Variants in LCK observed in about 807,000 individuals in gnomAD.
The protein encoded by LCK is LCK proto-oncogene, Src family tyrosine kinase, also known as tyrosine-protein kinase Lck.
In LCK, 14 loss-of-function variants were observed where a neutral mutation model predicts 64.6. The ratio of observed to expected loss-of-function variants is 0.22; its 90% confidence interval spans 0.14 to 0.34. The LOEUF (loss-of-function observed/expected upper bound fraction) is 0.34, where lower values mean the gene tolerates loss of function less well. Among genes scored for constraint, LCK ranks in the 10% least tolerant of loss-of-function variants. The pLI is 1.00. For synonymous variants in LCK, 277 were observed against 263.6 expected, an observed-to-expected ratio of 1.05 and a Z score of -0.49; for missense variants, 434 against 668.1, an observed-to-expected ratio of 0.65 and a Z score of 3.86.
Position 32,279,967 on chromosome 1 carries a change from G to A in LCK, c.1168G>A (p.Glu390Lys), listed in dbSNP as rs771183851. ...IADFGLARLI[E>K]DNEYTAREGA... ...AGACTTTGGCCTAGCACGCCTCATT[G>A]AGGACAACGAGTACACAGCCAGGGA... The change falls in exon 11 of 13, where the codon GAG (glutamate) becomes AAG (lysine). Residue 390 changes from glutamate to lysine, a missense_variant. Physicochemically the swap from Glu to Lys is moderately conservative, Grantham distance 56. This residue lies in a region of LCK where 201 missense variants were observed against 376.9 expected (regional missense o/e 0.53). Coordinates refer to ENST00000336890, the MANE Select transcript of LCK (RefSeq NM_005356.5). 1.2e-6 allele frequency: 2 copies of A among 1,614,172 alleles called. No homozygotes were observed. The highest frequency in any genetic ancestry group is 1.7e-5 in the Admixed American group (1 of 60,010).
rs1377275342 is a variant in LCK, at chr1:32,262,250, C to T, written c.-6+10879C>T. Among the ~76,000 whole-genome samples the T allele has an allele frequency of 2.1e-5, 3 of 142,856 alleles. No individual in the cohort carries two copies. In the East Asian group the frequency reaches 7.2e-4, roughly 34 times the overall value. 93.7% of individuals were successfully genotyped at this position (142,856 alleles called of 152,430 possible). ...GTGCCGTGGCTCACACCTGTAATCC[C>T]AGCACTTTGGGAAGCCGAGGCAGGT... On this transcript the variant is annotated intron_variant, in intron 1 of 12. Coordinates refer to ENST00000336890, the MANE Select transcript of LCK (RefSeq NM_005356.5).
At chr1:32,274,926 C>G (rs368988805) in intron 3 of LCK, 67 bp from the exon 4 acceptor site, 3 of 1,614,016 alleles carry the variant, frequency 1.9e-6, no homozygotes, top group Admixed American at 1.7e-5. Context: ...CCTTGTCCCC[C>G]ACCCTGTAAC....
rs1640408584 is a variant in LCK, at chr1:32,280,179, A to G, written c.1296A>G (p.Glu432=). 4.3e-6 allele frequency: 7 copies of G among 1,613,998 alleles called. No homozygotes were observed. The highest frequency in any genetic ancestry group is 1.6e-4 in the Middle Eastern group (1 of 6,084). The change falls in exon 12 of 13, where the codon GAA becomes GAG. Residue 432 remains glutamate, a synonymous_variant. Coordinates refer to ENST00000336890, the MANE Select transcript of LCK (RefSeq NM_005356.5). ...DVWSFGILLT[E]IVTHGRIPYP... ...GGTCTTTTGGGATCCTGCTGACGGAAATTGTCACCCACGGCCGCATCCCTT... is the reference window on the plus strand; with the variant it reads ...GGTCTTTTGGGATCCTGCTGACGGAGATTGTCACCCACGGCCGCATCCCTT...
At chr1:32,261,652 C>CAAA (rs1227702959) in intron 1 of LCK, among the ~76,000 whole-genome samples, 2 of 64,344 alleles carry the variant, frequency 3.1e-5, no homozygotes, top group African/African-American at 5.4e-5. Flanking sequence ...TCCTCTGTCT[C>CAAA]AAAAAAAAAA....
rs2124356863 is a variant in LCK at position 32,276,041 on chromosome 1, T to C, written c.609T>C (p.His203=). 6.2e-7 allele frequency: 1 copy of C among 1,614,092 alleles called. No individual in the cohort carries two copies. Among genetic ancestry groups the C allele is most frequent in the Admixed American group, 1.7e-5 (1 of 60,008 alleles). ...CTCGAATCACTTTTCCCGGCCTGCA[T>C]GAACTGGTCCGCCATTACACCAGTG... The part of the protein sequence containing the change: ...ISPRITFPGL[H]ELVRHYTNAS... Residue 203 remains histidine, a synonymous_variant, in exon 7 of 13, where the codon CAT becomes CAC. Coordinates refer to ENST00000336890, the MANE Select transcript of LCK (RefSeq NM_005356.5). The surrounding 1 kb of genome is among the most constrained non-coding windows in gnomAD (Gnocchi z 4.6).
chr1:32,260,172 C>T (rs926683959), intron 1 of LCK, among the ~76,000 whole-genome samples: 7 of 151,870 alleles, frequency 4.6e-5, no homozygotes, highest in Non-Finnish European at 8.8e-5. Context: ...CCACCACGTT[C>T]AGCTAATTTT....
intron 12 of LCK, among the ~76,000 whole-genome samples, chr1:32,283,854 A>G (rs1640533604): frequency 6.6e-6 from 1 of 152,086 alleles, no homozygotes; most frequent in Non-Finnish European, 1.5e-5. Context: ...CTACCAAATA[A>G]TAATAATCCC....
intron 1 of LCK, among the ~76,000 whole-genome samples, chr1:32,259,490 C>G (rs545792579): frequency 6.6e-6 from 1 of 151,724 alleles, no homozygotes; most frequent in African/African-American, 2.4e-5. Context: ...TGTGGTGGCA[C>G]ACGCCTGTAG....
intron 1 of LCK, among the ~76,000 whole-genome samples, chr1:32,253,980 G>A (rs897050926): frequency 2.0e-5 from 3 of 152,090 alleles, no homozygotes; most frequent in Non-Finnish European, 4.4e-5. Context: ...ATAACTCCAT[G>A]CACACACCCA....
chr1:32,253,433 G>A (rs906910907), intron 1 of LCK, among the ~76,000 whole-genome samples: 1 of 152,122 alleles, frequency 6.6e-6, no homozygotes. Context: ...TAACAGGCGC[G>A]CCACCATGCC....
chr1:32,280,048 C>T (rs768280395), intron 11 of LCK, 31 bp from the exon 12 acceptor site: 4 of 1,614,046 alleles, frequency 2.5e-6, no homozygotes, highest in South Asian at 2.2e-5. Context: ...GCCAAGCAGA[C>T]CCAGGTGACC....
chr1:32,279,906 C>T lies in LCK; in HGVS notation c.1107C>T (p.Asn369=). The change falls in exon 11 of 13, where the codon AAC becomes AAT. Residue 369 remains asparagine (N), a synonymous_variant. Coordinates refer to ENST00000336890, the MANE Select transcript of LCK (RefSeq NM_005356.5). The part of the protein sequence containing the change: ...NYIHRDLRAA[N]ILVSDTLSCK... ...TTCATCGTGACCTTCGGGCTGCCAA[C>T]ATTCTGGTGTCTGACACCCTGAGCT... 6.2e-7 allele frequency: 1 copy of T among 1,614,212 alleles called. No individual in the cohort carries two copies.
intron 1 of LCK, among the ~76,000 whole-genome samples, chr1:32,255,906 G>T (rs1639621340): frequency 6.6e-6 from 1 of 150,866 alleles, no homozygotes; most frequent in Non-Finnish European, 1.5e-5. Flanking sequence ...GGCTTGAGTG[G>T]TTCTCCCACC....
intron 9 of LCK, chr1:32,277,086 T>C: frequency 5.2e-6 from 1 of 191,144 alleles, no homozygotes; most frequent in Non-Finnish European, 1.1e-5. Context: ...GGCACATGCC[T>C]GTAATCCCAG....
At chr1:32,285,068 T>C (rs2124382778) in intron 12 of LCK, among the ~76,000 whole-genome samples, 1 of 151,936 alleles carries the variant, frequency 6.6e-6, no homozygotes, top group African/African-American at 2.4e-5. Context: ...TTTGGGAGGC[T>C]GAGGCGGGCG....
At chr1:32,259,301 AAG>A (rs1491554205) in intron 1 of LCK, among the ~76,000 whole-genome samples, 9 of 37,756 alleles carry the variant, frequency 2.4e-4, no homozygotes, top group Non-Finnish European at 3.7e-4. Context: ...AAAAAAAAAA[AAG>A]AAAAAGAAAA....
Position 32,275,838 on chromosome 1 carries a change from C to T in LCK, c.482-76C>T. On this transcript the variant is annotated intron_variant, in intron 6 of 12. Coordinates refer to ENST00000336890, the MANE Select transcript of LCK (RefSeq NM_005356.5). The surrounding 1 kb of genome is among the most constrained non-coding windows in gnomAD (Gnocchi z 6.9). The stretch of plus-strand genomic sequence containing the variant: ...CCCGGAGTTGGGGGTGCTGGGTGAG[C>T]CCAAGGTGGGGGCGCGGTGGCGGGC... 1 of 1,563,020 alleles carries T rather than the reference C, an allele frequency of 6.4e-7. No homozygotes were observed. The highest frequency in any genetic ancestry group is 8.7e-7 in the Non-Finnish European group (1 of 1,150,666).
At chr1:32,264,453 T>TA (rs774859918) in intron 1 of LCK, among the ~76,000 whole-genome samples, 2 of 151,934 alleles carry the variant, frequency 1.3e-5, no homozygotes, top group East Asian at 3.9e-4. Flanking sequence ...GCCCAGGAGT[T>TA]AGAGACCAGC....
chr1:32,279,539 C>T, intron 9 of LCK, 132 bp from the exon 10 acceptor site: 3 of 1,556,760 alleles, frequency 1.9e-6, no homozygotes, highest in Non-Finnish European at 2.6e-6. Flanking sequence ...TGAACACACA[C>T]TCCTCCATTC....
Sources: gnomAD v4.1 joint callset for allele counts (sites outside exome capture counted in the v4.1 genomes callset) on GRCh38, gnomAD v4.1.1 for gene constraint, gnomAD v4.1.1 regional missense constraint, Gnocchi (gnomAD v3.1) non-coding constraint, MANE v1.5 for transcripts, NCBI Gene and HGNC (gene_info 2026-07-23, HGNC 2026-07-21) for gene names.